PATE1: variants seen among roughly 807,000 people sequenced by gnomAD.
The protein encoded by PATE1 is prostate and testis expressed 1.
A neutral mutation model predicts 13.1 loss-of-function variants in PATE1; 21 were observed. That is an observed-to-expected ratio of 1.61 (90% CI 1.14 to 2.31). PATE1 has a LOEUF of 2.31. PATE1 is among the 30% of genes most tolerant of loss of function. The probability of loss-of-function intolerance (pLI) is 0.00; values close to 1 mark genes in which losing one functional copy is unlikely to be tolerated. For synonymous variants in PATE1, 52 were observed against 47.1 expected (o/e 1.10, Z -0.43); for missense variants, 166 against 147.2 (o/e 1.13, Z -0.66).
In PATE1 at chr11:125,748,917, C is replaced by A. The variant is rs189948038; in HGVS notation, c.*184C>A. ...CTCTCCTTTTCTACAGTCTCTGTCACGCCCCTTAAAATAAGTAAATAAATA... is the reference window on the plus strand; with the variant it reads ...CTCTCCTTTTCTACAGTCTCTGTCAAGCCCCTTAAAATAAGTAAATAAATA... On this transcript the variant is annotated 3_prime_UTR_variant, in exon 5 of 5. Coordinates refer to ENST00000305738, the MANE Select transcript of PATE1 (RefSeq NM_138294.3). 1.6e-6 allele frequency: 1 copy of A among 621,032 alleles called. No individual in the cohort carries two copies. Among genetic ancestry groups the A allele is most frequent in the African/African-American group, 1.9e-5 (1 of 53,680 alleles). 38.5% of individuals were successfully genotyped at this position (621,032 alleles called of 1,614,324 possible).
rs900567121 is a variant in PATE1, at chr11:125,749,127, A to G, written c.*394A>G. On this transcript the variant is annotated 3_prime_UTR_variant, in exon 5 of 5. Coordinates refer to ENST00000305738, the MANE Select transcript of PATE1 (RefSeq NM_138294.3). The stretch of plus-strand genomic sequence containing the variant: ...CAGGGTATTTTAATATATTTTTCAA[A>G]TTTTTTTCCTTTCTGTGTTATCCTT... The G allele has an allele frequency of 6.4e-6, 1 of 155,502 alleles. No homozygotes were observed. The highest frequency in any genetic ancestry group is 1.4e-5 in the Non-Finnish European group (1 of 70,566). 9.6% of individuals were successfully genotyped at this position (155,502 alleles called of 1,614,324 possible).
chr11:125,749,800 AATTAT>A lies in PATE1; in HGVS notation c.*1080_*1084del, dbSNP rs1228445056. 6.6e-6 allele frequency: 1 copy of A among 151,960 alleles called. No individual in the cohort carries two copies. The highest frequency in any genetic ancestry group is 1.5e-5 in the Non-Finnish European group (1 of 67,984). The allele number at this position is 151,960 out of a possible 1,614,324, so 9.4% of individuals were successfully genotyped here. ...AGAATGAAGCCTGGAAAGAGTGATG[AATTAT>A]ATTATATTATATAAAAATAATAATA... On this transcript the variant is annotated 3_prime_UTR_variant, in exon 5 of 5. Coordinates refer to ENST00000305738, the MANE Select transcript of PATE1 (RefSeq NM_138294.3).
Position 125,746,710 on chromosome 11 carries a change from G to C in PATE1, c.88+14G>C, listed in dbSNP as rs371109041. 1.2e-6 allele frequency: 2 copies of C among 1,613,080 alleles called. No homozygotes were observed. The highest frequency in any genetic ancestry group is 2.7e-5 in the African/African-American group (2 of 74,852). ...GAAATGATGCAGGTGAGTAGGAATA[G>C]ATAAGTGGTATGAGAAGGGGAAGGT... On this transcript the variant is annotated intron_variant, in intron 2 of 4. Coordinates refer to ENST00000305738, the MANE Select transcript of PATE1 (RefSeq NM_138294.3).
Position 125,748,586 on chromosome 11 carries a change from T to C in PATE1, c.248-14T>C. ...TGGCCAGGCTTCCTGATCTGTTTTTTCTCCCCTCCACAGGGGATGGTAATC... is the reference window on the plus strand; with the variant it reads ...TGGCCAGGCTTCCTGATCTGTTTTTCCTCCCCTCCACAGGGGATGGTAATC... On this transcript the variant is annotated splice_polypyrimidine_tract_variant and intron_variant, in intron 4 of 4. Transcript: ENST00000305738. The C allele has an allele frequency of 1.2e-6, 2 of 1,608,800 alleles. No individual in the cohort carries two copies. The highest frequency in any genetic ancestry group is 1.7e-5 in the Admixed American group (1 of 58,744).
intron 4 of PATE1, among the ~76,000 whole-genome samples, 199 bp from the exon 5 acceptor site, chr11:125,748,401 T>A (rs1457568367): frequency 6.6e-6 from 1 of 152,188 alleles, no homozygotes. Context: ...CTACCCCAAA[T>A]GATCATTTTA....
intron 2 of PATE1, 82 bp downstream of exon 2, chr11:125,746,778 C>T (rs1165340525): frequency 2.9e-6 from 4 of 1,379,750 alleles, no homozygotes; most frequent in Non-Finnish European, 4.1e-6. Context: ...GCACCAGGGG[C>T]CAAAAAAAAC....
Position 125,747,363 on chromosome 11 carries a change from C to G in PATE1, c.89-13C>G, listed in dbSNP as rs1480737731. Reference sequence around the variant, plus strand: ...CACATTTCAGATGTGTTTTCTTTCTCTTGCCAGTACAGTCAATGAAATAGT... The same window carrying G: ...CACATTTCAGATGTGTTTTCTTTCTGTTGCCAGTACAGTCAATGAAATAGT... On this transcript the variant is annotated splice_polypyrimidine_tract_variant and intron_variant, in intron 2 of 4. Transcript: ENST00000305738. 1.9e-6 allele frequency: 3 copies of G among 1,610,462 alleles called. No homozygotes were observed. In the South Asian group the frequency reaches 3.3e-5, roughly 18 times the overall value.
chr11:125,748,008 T>G, intron 4 of PATE1, 186 bp downstream of exon 4: 1 of 850,358 alleles, frequency 1.2e-6, no homozygotes, highest in Non-Finnish European at 1.8e-6. Context: ...CTAAGGAGGG[T>G]GGGGGCCTAC....
intron 1 of PATE1, 81 bp downstream of exon 1, chr11:125,746,437 G>T (rs1250293407): frequency 6.0e-6 from 9 of 1,489,648 alleles, no homozygotes; most frequent in Non-Finnish European, 7.5e-6. Flanking sequence ...GCCTTCTCAT[G>T]GGAGTCCTAT....
intron 4 of PATE1, chr11:125,748,114 T>G (rs1451180443): frequency 2.6e-6 from 1 of 386,682 alleles, no homozygotes; most frequent in Non-Finnish European, 4.8e-6. Context: ...TGGGTAACAG[T>G]GTGTTGTTGA....
chr11:125,748,527 T>C, intron 4 of PATE1, 73 bp from the exon 5 acceptor site: 1 of 1,512,614 alleles, frequency 6.6e-7, no homozygotes, highest in Admixed American at 1.9e-5. Context: ...TATGTTGGTG[T>C]GGTCTGGAGA....
chr11:125,746,718 G>A, intron 2 of PATE1, 22 bp downstream of exon 2: 3 of 1,612,874 alleles, frequency 1.9e-6, no homozygotes, highest in South Asian at 2.2e-5. Flanking sequence ...TAGATAAGTG[G>A]TATGAGAAGG....
At chr11:125,746,748 A>G (rs772659212) in intron 2 of PATE1, 52 bp downstream of exon 2, 1 of 1,600,350 alleles carries the variant, frequency 6.2e-7, no homozygotes, top group South Asian at 1.1e-5. Context: ...GAGGAGGAAA[A>G]GATGAGTGGG....
In PATE1 at chr11:125,747,863, G is replaced by A. The variant is rs112031836; in HGVS notation, c.247+41G>A. 96 of 1,612,034 alleles carry A rather than the reference G, an allele frequency of 6.0e-5. 1 individual carries two copies. The highest frequency in any genetic ancestry group is 4.3e-4 in the African/African-American group (32 of 74,962). ...GGGAAAAGAAGAACGGGCAGAGGACGTATACAGGGACGTATCAGCCACAGG... is the reference window on the plus strand; with the variant it reads ...GGGAAAAGAAGAACGGGCAGAGGACATATACAGGGACGTATCAGCCACAGG... On this transcript the variant is annotated intron_variant, in intron 4 of 4. Coordinates refer to ENST00000305738, the MANE Select transcript of PATE1 (RefSeq NM_138294.3).
chr11:125,746,408 G>A, intron 1 of PATE1, 52 bp downstream of exon 1: 2 of 1,582,522 alleles, frequency 1.3e-6, no homozygotes. Flanking sequence ...AGGAACAGGT[G>A]AGAGCACCCA....
Position 125,746,355 on chromosome 11 carries a change from G to T in PATE1, c.51G>T (p.Arg17Ser), listed in dbSNP as rs770120738. The T allele has an allele frequency of 1.9e-6, 3 of 1,613,764 alleles. No homozygotes were observed. The highest frequency in any genetic ancestry group is 1.1e-5 in the South Asian group (1 of 91,062). ...LELPILLCCF[R>S]ALSGSLSMRN... is the part of the protein sequence containing the mutation. ...TCCCCATCCTGCTCTGCTGCTTTAG[G>T]GGTGAGTCCCTAGGGTTGACAGCTG... The change falls in exon 1 of 5, where the codon AGG (arginine) becomes AGT (serine). Residue 17 changes from arginine to serine, a missense_variant and splice_region_variant. Physicochemically the swap from Arg to Ser is moderately radical, Grantham distance 110 (BLOSUM62 -1). Transcript: ENST00000305738.
rs756778182 is a variant in PATE1, at chr11:125,748,757, C to T, written c.*24C>T. The T allele has an allele frequency of 6.2e-7, 1 of 1,608,330 alleles. No individual in the cohort carries two copies. The highest frequency in any genetic ancestry group is 2.2e-5 in the East Asian group (1 of 44,824). On this transcript the variant is annotated 3_prime_UTR_variant, in exon 5 of 5. Coordinates refer to ENST00000305738, the MANE Select transcript of PATE1 (RefSeq NM_138294.3). ...AGAAGTTAATGGTTCTTCTGTGACT[C>T]CAATTTCTGGGTGAGGTTGTTGCCT...
chr11:125,746,803 A>G, intron 2 of PATE1, 107 bp downstream of exon 2: 1 of 1,140,852 alleles, frequency 8.8e-7, no homozygotes, highest in East Asian at 2.4e-5. Flanking sequence ...ATACGAATAG[A>G]CCTTGAGTTC....
Position 125,748,899 on chromosome 11 carries a change from T to C in PATE1, c.*166T>C, listed in dbSNP as rs1943305375. The C allele has an allele frequency of 1.3e-6, 1 of 772,194 alleles. No individual in the cohort carries two copies. The highest frequency in any genetic ancestry group is 2.0e-6 in the Non-Finnish European group (1 of 504,146). 47.8% of individuals were successfully genotyped at this position (772,194 alleles called of 1,614,324 possible). A position where few individuals can be genotyped will look rare whatever the true frequency, so the allele number is the denominator to read the frequency against. On this transcript the variant is annotated 3_prime_UTR_variant, in exon 5 of 5. Transcript: ENST00000305738. ...CACACGAAAGGAAAGTCCCTCTCCT[T>C]TTCTACAGTCTCTGTCACGCCCCTT...
Sources: allele counts gnomAD v4.1 joint callset (sites outside exome capture counted in the v4.1 genomes callset), GRCh38; gene constraint gnomAD v4.1.1; transcripts MANE v1.5; gene names NCBI Gene and HGNC (gene_info 2026-07-23, HGNC 2026-07-21).